ZNF544: variants seen among roughly 807,000 people sequenced by gnomAD.
The protein encoded by ZNF544 is zinc finger protein 544.
A neutral mutation model predicts 13.5 loss-of-function variants in ZNF544; 10 were observed. The observed-to-expected ratio is 0.74, with a 90% CI of 0.46 to 1.25. The LOEUF (loss-of-function observed/expected upper bound fraction) is 1.25, where lower values mean the gene tolerates loss of function less well. Among genes scored for constraint, ZNF544 ranks in the 50% most tolerant of loss-of-function variants. The pLI, the probability that ZNF544 is intolerant of heterozygous loss-of-function variation, is 0.00. For missense variants in ZNF544, 896 were observed against 845.6 expected, an observed-to-expected ratio of 1.06 and a Z score of -0.74; for synonymous variants, 323 against 300.5, an observed-to-expected ratio of 1.07 and a Z score of -0.77.
intron 5 of ZNF544, among the ~76,000 whole-genome samples, chr19:58,275,204 G>C (rs1254141132): frequency 6.6e-6 from 1 of 152,056 alleles, no homozygotes. Context: ...CCCCACACTT[G>C]TCTCCCGTGT....
intron 3 of ZNF544, among the ~76,000 whole-genome samples, chr19:58,239,342 C>G (rs1010321062): frequency 4.0e-5 from 6 of 151,842 alleles, no homozygotes; most frequent in African/African-American, 1.5e-4. Context: ...ACCTCTTCCC[C>G]CCTCCACTCC....
chr19:58,233,050 A>G (rs1248883193), intron 3 of ZNF544, among the ~76,000 whole-genome samples: 1 of 152,112 alleles, frequency 6.6e-6, no homozygotes, highest in East Asian at 1.9e-4. Context: ...AGGTCTCACA[A>G]TCATGGCGGA....
chr19:58,267,329 T>C (rs371177316), downstream of ZNF544, among the ~76,000 whole-genome samples: 59 of 151,776 alleles, frequency 3.9e-4, no homozygotes, highest in South Asian at 6.3e-4. Flanking sequence ...CCCAAAGTGC[T>C]GGGATTACAG....
intron 5 of ZNF544, among the ~76,000 whole-genome samples, chr19:58,271,846 GT>G (rs1227396949): frequency 3.9e-5 from 6 of 152,224 alleles, no homozygotes; most frequent in African/African-American, 1.4e-4. Context: ...CTCTGTATTA[GT>G]GATCTGACAA....
At chr19:58,265,481 G>C (rs1239957074), downstream of ZNF544, among the ~76,000 whole-genome samples, 2 of 152,086 alleles carry the variant, frequency 1.3e-5, no homozygotes, top group Admixed American at 1.3e-4. Context: ...ACTTTTAGTA[G>C]AGACAAGGTT....
intron 6 of ZNF544, among the ~76,000 whole-genome samples, chr19:58,255,603 A>G (rs1383686188): frequency 1.4e-5 from 2 of 139,036 alleles, no homozygotes; most frequent in Admixed American, 7.7e-5. Context: ...GTGGATCCCA[A>G]AGGTCTTCAG....
chr19:58,251,946 T>C (rs1384086406), intron 6 of ZNF544, among the ~76,000 whole-genome samples: 1 of 152,208 alleles, frequency 6.6e-6, no homozygotes, highest in Admixed American at 6.5e-5. Flanking sequence ...AGATGGGCTG[T>C]TATCACTTTG....
Position 58,269,896 on chromosome 19 carries a change from G to A in ZNF544, c.245-6427G>A, listed in dbSNP as rs116901007. 6.8e-3 allele frequency among the ~76,000 whole-genome samples: 1,037 copies of A among 152,302 alleles called. 5 individuals are homozygous for A. Among genetic ancestry groups the A allele is most frequent in the Non-Finnish European group, 9.8e-3 (665 of 68,026 alleles). ...AGATCATGCCACTGGACTCCAGCCT[G>A]GGCGACAGAATGAGACTCTGTCTCA... is the stretch of plus-strand genomic sequence containing the variant. On this transcript the variant is annotated intron_variant, in intron 5 of 6. Coordinates refer to the ZNF544 transcript ENST00000595981.
rs1568460781 is a variant in ZNF544 at position 58,241,166 on chromosome 19, TATATATATATA to T, written c.-59-2798_-59-2788del. On this transcript the variant is annotated intron_variant, in intron 3 of 6. Transcript: ENST00000687789. ...TAAAATATATATATATATTTAAATATATATATATATATATTTTTTTTTTTTTGTAGAGATAG... is the reference window on the plus strand; with the variant it reads ...TAAAATATATATATATATTTAAATATTATTTTTTTTTTTTTGTAGAGATAG... 2.3e-4 allele frequency among the ~76,000 whole-genome samples: 20 copies of T among 87,692 alleles called. 1 individual carries two copies. The South Asian group carries it at 4.4e-3, about 19-fold the overall frequency. The allele number at this position is 87,692 out of a possible 152,430, so 57.5% of individuals were successfully genotyped here.
At chr19:58,229,858 G>C (rs998226840) in intron 2 of ZNF544, 1 of 152,418 alleles carries the variant, frequency 6.6e-6, no homozygotes, top group Non-Finnish European at 1.5e-5. Flanking sequence ...GAGTCTAAGG[G>C]AGTAGGGAAA....
chr19:58,239,608 A>C (rs1317481493), intron 3 of ZNF544, among the ~76,000 whole-genome samples: 4 of 152,158 alleles, frequency 2.6e-5, no homozygotes, highest in African/African-American at 9.7e-5. Context: ...ATACAGATTA[A>C]AATTACAAGG....
downstream of ZNF544, among the ~76,000 whole-genome samples, chr19:58,268,713 C>T (rs149380316): frequency 3.7e-4 from 56 of 152,250 alleles, no homozygotes; most frequent in African/African-American, 1.2e-3. Context: ...AGTGGAAAGA[C>T]GAAGGAAAAG....
Position 58,262,007 on chromosome 19 carries a change from T to C in ZNF544, c.1401T>C (p.Thr467=), listed in dbSNP as rs372286704. The change falls in exon 7 of 7, where the codon ACT becomes ACC. Residue 467 remains threonine, a synonymous_variant. Transcript: ENST00000687789. ...CTGGAGAGAAACCGTATGAGTGCACTCACTGTGGAAAGTCCTTCAGCCAAA... is the reference window on the plus strand; with the variant it reads ...CTGGAGAGAAACCGTATGAGTGCACCCACTGTGGAAAGTCCTTCAGCCAAA... ...IHTGEKPYEC[T]HCGKSFSQSY... 1 of 1,613,282 alleles carries C rather than the reference T, an allele frequency of 6.2e-7. No homozygotes were observed. Among genetic ancestry groups the C allele is most frequent in the Non-Finnish European group, 8.5e-7 (1 of 1,179,938 alleles).
At chr19:58,251,508 C>T (rs1298612346) in intron 6 of ZNF544, 1 of 395,682 alleles carries the variant, frequency 2.5e-6, no homozygotes, top group Non-Finnish European at 5.2e-6. Flanking sequence ...CAGGTGATCC[C>T]TCCTTCTATG....
At chr19:58,265,931 A>T (rs569900048), downstream of ZNF544, among the ~76,000 whole-genome samples, 3 of 150,516 alleles carry the variant, frequency 2.0e-5, no homozygotes, top group East Asian at 6.3e-4. Flanking sequence ...GAGGGTGAGC[A>T]TGGTGGCTTA....
At chr19:58,268,566 G>C (rs896222304), downstream of ZNF544, among the ~76,000 whole-genome samples, 4 of 152,214 alleles carry the variant, frequency 2.6e-5, no homozygotes, top group African/African-American at 9.6e-5. Context: ...CTGAACAAAG[G>C]AGGGAAGCAA....
intron 3 of ZNF544, among the ~76,000 whole-genome samples, chr19:58,237,860 C>T (rs1170773074): frequency 2.6e-5 from 4 of 152,156 alleles, no homozygotes; most frequent in Admixed American, 6.6e-5. Context: ...CCTGAAAATG[C>T]GTCTGGAGGT....
Position 58,261,264 on chromosome 19 carries a change from A to G in ZNF544, c.658A>G (p.Arg220Gly), listed in dbSNP as rs763829599. ...GCACTGTGAGAGTCATCAGTGTGCT[A>G]GAGCTTTCTGTCAGAGTATTTACTT... The part of the protein sequence containing the change: ...GKHCESHQCA[R>G]AFCQSIYLSK... Residue 220 changes from arginine (R) to glycine (G), a missense_variant, in exon 7 of 7, where the codon AGA (arginine) becomes GGA (glycine). Coordinates refer to ENST00000687789, the MANE Select transcript of ZNF544 (RefSeq NM_014480.4). The G allele has an allele frequency of 6.2e-6, 10 of 1,614,126 alleles. No homozygotes were observed. Among genetic ancestry groups the G allele is most frequent in the Non-Finnish European group, 8.5e-6 (10 of 1,180,060 alleles).
rs2048708266 is a variant in ZNF544, at chr19:58,260,618, G to T, written c.245-233G>T. ...TCTTATTCTTCTGCCCTCTATTTGGGGACTAGTGTTACTTAGTCACTTCTT... is the reference window on the plus strand; with the variant it reads ...TCTTATTCTTCTGCCCTCTATTTGGTGACTAGTGTTACTTAGTCACTTCTT... On this transcript the variant is annotated intron_variant, in intron 6 of 6. Coordinates refer to ENST00000687789, the MANE Select transcript of ZNF544 (RefSeq NM_014480.4). 6.8e-6 allele frequency: 3 copies of T among 442,418 alleles called. No homozygotes were observed. The South Asian group carries it at 1.1e-4, about 16-fold the overall frequency. 27.4% of individuals were successfully genotyped at this position (442,418 alleles called of 1,614,324 possible).
Sources: gnomAD v4.1 joint callset for allele counts (sites outside exome capture counted in the v4.1 genomes callset) on GRCh38, gnomAD v4.1.1 for gene constraint, MANE v1.5 for transcripts, NCBI Gene and HGNC (gene_info 2026-07-23, HGNC 2026-07-21) for gene names.